RIMBP2: variants seen among roughly 807,000 people sequenced by gnomAD.
RIMBP2 encodes RIMS-binding protein 2.
RIMBP2 carries 48 observed loss-of-function variants against 118.6 expected under a neutral mutation model. That is an observed-to-expected ratio of 0.40 (90% CI 0.32 to 0.51). The LOEUF (loss-of-function observed/expected upper bound fraction) is 0.51, where lower values mean the gene tolerates loss of function less well. Ranked by LOEUF, RIMBP2 falls within the 20% of genes least tolerant of loss-of-function variation. RIMBP2 has a pLI of 0.41. For synonymous variants in RIMBP2, 762 were observed against 742.9 expected, an observed-to-expected ratio of 1.03 and a Z score of -0.42; for missense variants, 1,551 against 1,768.3, an observed-to-expected ratio of 0.88 and a Z score of 2.20.
chr12:130,452,793 C>T (rs552976734), intron 7 of RIMBP2, among the ~76,000 whole-genome samples: 16 of 152,332 alleles, frequency 1.1e-4, no homozygotes, highest in Admixed American at 4.6e-4. Context: ...TCCTGCCTGA[C>T]ACCGCGCCAC....
intron 6 of RIMBP2, among the ~76,000 whole-genome samples, chr12:130,458,782 C>T (rs931748451): frequency 7.2e-5 from 11 of 152,166 alleles, no homozygotes; most frequent in African/African-American, 2.7e-4. Flanking sequence ...CGGTGGCTCA[C>T]GCCTGCAATC....
chr12:130,590,838 T>G (rs73456756), intron 2 of RIMBP2, among the ~76,000 whole-genome samples: 2,487 of 152,258 alleles, frequency 0.016, 70 homozygotes, highest in African/African-American at 0.057. Context: ...AAAACAATCC[T>G]CACCCCCAAG....
At chr12:130,485,074 G>C (rs2082364516) in intron 4 of RIMBP2, among the ~76,000 whole-genome samples, 2 of 150,554 alleles carry the variant, frequency 1.3e-5, no homozygotes, top group African/African-American at 4.9e-5. Context: ...CACTGGACGT[G>C]TGTAGCCCTG....
At chr12:130,562,183 C>T (rs961426420) in intron 2 of RIMBP2, among the ~76,000 whole-genome samples, 1 of 152,150 alleles carries the variant, frequency 6.6e-6, no homozygotes, top group African/African-American at 2.4e-5. Context: ...TGTGTGTAAT[C>T]TAAAATTGGA....
intron 4 of RIMBP2, among the ~76,000 whole-genome samples, chr12:130,487,654 G>A (rs1188170078): frequency 2.0e-5 from 3 of 152,214 alleles, no homozygotes; most frequent in Non-Finnish European, 4.4e-5. Flanking sequence ...GACATGGCAA[G>A]TGTCCTGACC....
chr12:130,478,748 C>G (rs533062166), intron 5 of RIMBP2, among the ~76,000 whole-genome samples, 164 bp downstream of exon 5: 1 of 152,272 alleles, frequency 6.6e-6, no homozygotes, highest in South Asian at 2.1e-4. Context: ...TAAGAAACAC[C>G]ACAGCAGGAA....
At position 130,469,987 on chromosome 12, in the gene RIMBP2, G is replaced by C. The variant is rs1178333105; in HGVS notation, c.153+706C>G. ...GGGGACCCCATAGCCCTCCCTGTCTGCCTGGCTACTCACTCCCAAGGAGGC... is the reference window on the plus strand; with the variant it reads ...GGGGACCCCATAGCCCTCCCTGTCTCCCTGGCTACTCACTCCCAAGGAGGC... On this transcript the variant is annotated intron_variant, in intron 6 of 22. Coordinates refer to ENST00000690449, the MANE Select transcript of RIMBP2 (RefSeq NM_001393629.1). This position sits in a 1 kb window ranked among gnomAD's most constrained non-coding sequence, Gnocchi z 4.8. Among the ~76,000 whole-genome samples, 1 of 152,206 alleles carries C rather than the reference G, an allele frequency of 6.6e-6. No individual in the cohort carries two copies. Among genetic ancestry groups the C allele is most frequent in the African/African-American group, 2.4e-5 (1 of 41,446 alleles).
At chr12:130,496,839 G>T (rs2049217047) in intron 4 of RIMBP2, among the ~76,000 whole-genome samples, 1 of 152,136 alleles carries the variant, frequency 6.6e-6, no homozygotes, top group African/African-American at 2.4e-5. Context: ...AAGTTGTTCT[G>T]CCCAGGCCAT....
At chr12:130,488,299 T>C (rs2082648325) in intron 4 of RIMBP2, among the ~76,000 whole-genome samples, 1 of 142,132 alleles carries the variant, frequency 7.0e-6, no homozygotes, top group Non-Finnish European at 1.5e-5. Flanking sequence ...TTGAGACTGA[T>C]GAGGGTAGAG....
Position 130,436,249 on chromosome 12 carries a change from C to T in RIMBP2, c.2106+593G>A, listed in dbSNP as rs372505380. Among the ~76,000 whole-genome samples the T allele has an allele frequency of 9.2e-5, 14 of 152,316 alleles. No homozygotes were observed. The East Asian group carries it at 2.7e-3, about 29-fold the overall frequency. ...AACATGCCCTACCACAATCCACATGCTCTCTCCTGGACCCAGAAAAGTTCA... is the reference window on the plus strand; with the variant it reads ...AACATGCCCTACCACAATCCACATGTTCTCTCCTGGACCCAGAAAAGTTCA... On this transcript the variant is annotated intron_variant, in intron 13 of 22. Coordinates refer to ENST00000690449, the MANE Select transcript of RIMBP2 (RefSeq NM_001393629.1).
chr12:130,414,445 G>A (rs1481043616), intron 17 of RIMBP2, 139 bp from the exon 18 acceptor site: 7 of 782,964 alleles, frequency 8.9e-6, no homozygotes, highest in South Asian at 1.9e-5. Flanking sequence ...ACATGTAGGT[G>A]GAAATAGATC....
intron 2 of RIMBP2, among the ~76,000 whole-genome samples, chr12:130,618,999 G>A (rs2061134886): frequency 6.6e-6 from 1 of 152,126 alleles, no homozygotes; most frequent in Admixed American, 6.5e-5. Context: ...CAGCTTTATT[G>A]CTGATGGACT....
intron 2 of RIMBP2, among the ~76,000 whole-genome samples, chr12:130,588,590 GCAC>G (rs1332302067): frequency 6.6e-6 from 1 of 152,160 alleles, no homozygotes; most frequent in Non-Finnish European, 1.5e-5. Flanking sequence ...ACGTGTATCA[GCAC>G]CCACCAGAGA....
intron 1 of RIMBP2, among the ~76,000 whole-genome samples, chr12:130,709,173 C>T (rs530344064): frequency 6.6e-6 from 1 of 152,370 alleles, no homozygotes; most frequent in South Asian, 2.1e-4. Context: ...AGCCACGATG[C>T]AGGAGGCAGT....
At chr12:130,680,103 G>A (rs2064706673) in intron 1 of RIMBP2, among the ~76,000 whole-genome samples, 2 of 152,272 alleles carry the variant, frequency 1.3e-5, no homozygotes, top group Admixed American at 1.3e-4. Flanking sequence ...GTGAGACCAT[G>A]CAGGCAATAT....
chr12:130,438,625 G>A (rs960699092), intron 11 of RIMBP2, 109 bp from the exon 12 acceptor site: 99 of 883,612 alleles, frequency 1.1e-4, no homozygotes, highest in Non-Finnish European at 1.3e-4. Context: ...CGGTAAAGTC[G>A]CCAGGGAAAA....
At chr12:130,577,687 C>A (rs1213484529) in intron 2 of RIMBP2, among the ~76,000 whole-genome samples, 2 of 151,926 alleles carry the variant, frequency 1.3e-5, no homozygotes, top group African/African-American at 2.4e-5. Flanking sequence ...TAAACTATAT[C>A]AGCCACGTTA....
At chr12:130,610,777 G>A (rs1373690971) in intron 2 of RIMBP2, among the ~76,000 whole-genome samples, 1 of 151,588 alleles carries the variant, frequency 6.6e-6, no homozygotes, top group Non-Finnish European at 1.5e-5. Context: ...AGCCAGGATG[G>A]TCTCGATCTC....
chr12:130,396,256 A>G lies in RIMBP2; in HGVS notation c.*1105T>C. 1 of 152,700 alleles carries G rather than the reference A, an allele frequency of 6.5e-6. No individual in the cohort carries two copies. Among genetic ancestry groups the G allele is most frequent in the East Asian group, 1.9e-4 (1 of 5,208 alleles). The allele number at this position is 152,700 out of a possible 1,614,324, so 9.5% of individuals were successfully genotyped here. A position where few individuals can be genotyped will look rare whatever the true frequency, so the allele number is the denominator to read the frequency against. ...AATAATAAATCTACCACATACTATT[A>G]TATTACAATTTATAATAGCGTTTTT... On this transcript the variant is annotated 3_prime_UTR_variant, in exon 23 of 23. Transcript: ENST00000690449.
Sources: gnomAD v4.1 joint callset for allele counts (sites outside exome capture counted in the v4.1 genomes callset) on GRCh38, gnomAD v4.1.1 for gene constraint, Gnocchi (gnomAD v3.1) non-coding constraint, MANE v1.5 for transcripts, NCBI Gene and HGNC (gene_info 2026-07-23, HGNC 2026-07-21) for gene names.